The following DUS2 variants were observed in gnomAD, a reference collection of about 807,000 sequenced individuals.
DUS2 encodes tRNA-dihydrouridine(20) synthase [NAD(P)+]-like.
Under a neutral mutation model 71.3 loss-of-function variants are expected in DUS2, and 52 were observed. The ratio of observed to expected loss-of-function variants is 0.73; its 90% CI spans 0.58 to 0.92. DUS2 has a LOEUF of 0.92. Ranked by LOEUF, DUS2 falls within the 40% of genes least tolerant of loss-of-function variation. DUS2 has a pLI of 0.00. For synonymous variants in DUS2, 204 were observed against 227.8 expected, an observed-to-expected ratio of 0.90 and a Z score of 0.94; for missense variants, 558 against 622.6, an observed-to-expected ratio of 0.90 and a Z score of 1.10.
intron 4 of DUS2, among the ~76,000 whole-genome samples, chr16:68,051,239 GTTGT>G (rs1418882264): frequency 1.1e-4 from 16 of 152,150 alleles, no homozygotes; most frequent in African/African-American, 3.1e-4. Context: ...ATGCACCGTT[GTTGT>G]TTCTATAAAG....
chr16:68,025,649 T>A (rs1054641274), intron 2 of DUS2, among the ~76,000 whole-genome samples, 155 bp downstream of exon 2: 1 of 152,162 alleles, frequency 6.6e-6, no homozygotes, highest in African/African-American at 2.4e-5. Context: ...CCTGTCTGTG[T>A]CCGTGGCCAC....
At chr16:68,028,537 G>C (rs1044943618) in intron 2 of DUS2, among the ~76,000 whole-genome samples, 1 of 152,080 alleles carries the variant, frequency 6.6e-6, no homozygotes, top group African/African-American at 2.4e-5. Context: ...TACTCGAGAG[G>C]CTGAGGCAAG....
At chr16:68,057,834 C>T (rs2151421256) in intron 7 of DUS2, among the ~76,000 whole-genome samples, 1 of 142,740 alleles carries the variant, frequency 7.0e-6, no homozygotes, top group African/African-American at 2.6e-5. Context: ...TGAGCAAGAT[C>T]ATGCCACTGC....
intron 4 of DUS2, among the ~76,000 whole-genome samples, chr16:68,050,201 G>A (rs991734847): frequency 2.0e-5 from 3 of 151,784 alleles, no homozygotes; most frequent in South Asian, 2.1e-4. Context: ...GCAACGGCGC[G>A]GTCTTGGTTC....
At position 68,078,916 on chromosome 16, in the gene DUS2, C is replaced by G. The variant is rs751327377; in HGVS notation, c.1412C>G (p.Pro471Arg). The change falls in exon 17 of 17, where the codon CCT becomes CGT. Residue 471 changes from proline to arginine, a missense_variant. By Grantham distance (103) the Pro-to-Arg change is moderately radical (BLOSUM62 -2). Transcript: ENST00000565263. ...GGPRAQELAQ[P>R]GDLCKKPFVA... Reference sequence around the variant, plus strand: ...CCCAGAGCTCAGGAGCTAGCACAACCTGGGGATCTGTGCAAGAAGCCCTTT... The same window carrying G: ...CCCAGAGCTCAGGAGCTAGCACAACGTGGGGATCTGTGCAAGAAGCCCTTT... The G allele has an allele frequency of 3.1e-6, 5 of 1,611,492 alleles. No homozygotes were observed. The highest frequency in any genetic ancestry group is 3.4e-6 in the Non-Finnish European group (4 of 1,178,186).
At chr16:68,070,826 G>A in intron 11 of DUS2, 114 bp from the exon 12 acceptor site, 1 of 1,097,540 alleles carries the variant, frequency 9.1e-7, no homozygotes, top group African/African-American at 1.6e-5. Context: ...ATAGCTGAAG[G>A]GACTTGGCCA....
chr16:68,037,984 T>C, intron 2 of DUS2, 22 bp from the exon 3 acceptor site: 1 of 1,601,348 alleles, frequency 6.2e-7, no homozygotes, highest in South Asian at 1.1e-5. Flanking sequence ...TTTCTGACTC[T>C]TGTTTCCTCT....
At chr16:68,069,205 A>G (rs1051221423) in intron 10 of DUS2, among the ~76,000 whole-genome samples, 7 of 152,106 alleles carry the variant, frequency 4.6e-5, no homozygotes, top group African/African-American at 9.7e-5. Context: ...CCTGACCAAC[A>G]TGGTAAAACC....
Position 68,066,558 on chromosome 16 carries a change from C to T in DUS2, c.484-8C>T, listed in dbSNP as rs2285912. The T allele has an allele frequency of 0.49, 784,874 of 1,612,844 alleles. 201,306 individuals are homozygous for T. The highest frequency in any genetic ancestry group is 0.9 in the African/African-American group (67,388 of 75,004). On this transcript the variant is annotated splice_region_variant and splice_polypyrimidine_tract_variant and intron_variant, in intron 9 of 16. Coordinates refer to ENST00000565263, the MANE Select transcript of DUS2 (RefSeq NM_017803.5). ...TCAGTAACCATCCTGTGTGGTCCTC[C>T]TCCTCAGCTAGAAGATACCCTGAGC...
At chr16:68,051,710 A>T (rs1271458366) in intron 4 of DUS2, among the ~76,000 whole-genome samples, 2 of 152,126 alleles carry the variant, frequency 1.3e-5, no homozygotes, top group Non-Finnish European at 2.9e-5. Context: ...GTTTAAAGGC[A>T]TATTATTTAA....
rs1242647587 is a variant in DUS2, at chr16:68,053,608, G to A, written c.217G>A (p.Val73Ile). 2 of 1,614,078 alleles carry A rather than the reference G, an allele frequency of 1.2e-6. No homozygotes were observed. Among genetic ancestry groups the A allele is most frequent in the Non-Finnish European group, 1.7e-6 (2 of 1,180,046 alleles). The change falls in exon 5 of 17, where the codon GTC (valine) becomes ATC (isoleucine). Residue 73 changes from valine (V) to isoleucine (I), a missense_variant. Val to Ile is a conservative substitution (Grantham distance 29). Coordinates refer to ENST00000565263, the MANE Select transcript of DUS2 (RefSeq NM_017803.5). ...VDFVAPDDRV[V>I]FRTCEREQNR... Reference sequence around the variant, plus strand: ...CTTTGTCGCCCCTGATGATCGAGTTGTCTTCCGCACCTGTGAAAGAGAGCA... The same window carrying A: ...CTTTGTCGCCCCTGATGATCGAGTTATCTTCCGCACCTGTGAAAGAGAGCA...
intron 3 of DUS2, among the ~76,000 whole-genome samples, chr16:68,045,592 C>G (rs1694172097): frequency 6.7e-6 from 1 of 148,516 alleles, no homozygotes; most frequent in Non-Finnish European, 1.5e-5. Context: ...TCCTGGGCAA[C>G]AAGAGCAAAA....
intron 15 of DUS2, chr16:68,078,195 T>C: frequency 1.9e-6 from 1 of 533,220 alleles, no homozygotes; most frequent in South Asian, 2.1e-5. Flanking sequence ...GGAGGCTCCA[T>C]AGTCATGTGC....
At chr16:68,039,623 G>C (rs1333300951) in intron 3 of DUS2, among the ~76,000 whole-genome samples, 1 of 152,026 alleles carries the variant, frequency 6.6e-6, no homozygotes, top group East Asian at 1.9e-4. Context: ...GGGTTTCACT[G>C]TGTTAGCCAG....
intron 6 of DUS2, among the ~76,000 whole-genome samples, chr16:68,055,832 C>G (rs2033844488): frequency 7.2e-6 from 1 of 138,976 alleles, no homozygotes; most frequent in South Asian, 2.7e-4. Context: ...TTTGCCATTA[C>G]TTTCAATGGC....
At chr16:68,043,648 T>C (rs558602858) in intron 3 of DUS2, among the ~76,000 whole-genome samples, 2 of 152,310 alleles carry the variant, frequency 1.3e-5, no homozygotes, top group Non-Finnish European at 2.9e-5. Flanking sequence ...AAAAATTATG[T>C]TTTTAGAAAG....
chr16:68,044,241 G>T (rs1470254928), intron 3 of DUS2, among the ~76,000 whole-genome samples: 2 of 152,080 alleles, frequency 1.3e-5, no homozygotes, highest in East Asian at 3.8e-4. Flanking sequence ...ATGAATTTTA[G>T]GATCAGCTGG....
intron 3 of DUS2, among the ~76,000 whole-genome samples, chr16:68,049,263 C>T (rs552351487): frequency 3.3e-5 from 5 of 152,274 alleles, no homozygotes; most frequent in African/African-American, 1.2e-4. Context: ...GTGGTTCATT[C>T]ATTCTAGGCC....
At chr16:68,025,182 C>T (rs1432979661) in intron 1 of DUS2, among the ~76,000 whole-genome samples, 1 of 151,944 alleles carries the variant, frequency 6.6e-6, no homozygotes, top group East Asian at 1.9e-4. Context: ...TCTCCTTATC[C>T]AAATAGTTCC....
Sources: gnomAD v4.1 joint callset for allele counts (sites outside exome capture counted in the v4.1 genomes callset) on GRCh38, gnomAD v4.1.1 for gene constraint, MANE v1.5 for transcripts, NCBI Gene and HGNC (gene_info 2026-07-23, HGNC 2026-07-21) for gene names.